Variants in SGCZ observed in about 807,000 individuals in gnomAD.
The protein encoded by SGCZ is zeta-sarcoglycan.
Under a neutral mutation model 41.3 loss-of-function variants are expected in SGCZ, and 40 were observed. The observed-to-expected ratio is 0.97, with a 90% CI of 0.75 to 1.26. SGCZ has a LOEUF of 1.26. Ranked by LOEUF, SGCZ falls within the 50% of genes most tolerant of loss-of-function variation. The probability of loss-of-function intolerance (pLI) is 0.00; values close to 1 mark genes in which losing one functional copy is unlikely to be tolerated. For synonymous variants in SGCZ, 206 were observed against 137.5 expected (o/e 1.50, Z -3.49); for missense variants, 552 against 369.8 (o/e 1.49, Z -4.04).
intron 2 of SGCZ, among the ~76,000 whole-genome samples, chr8:14,428,659 G>T (rs1381387196): frequency 6.6e-6 from 1 of 152,118 alleles, no homozygotes; most frequent in Admixed American, 6.6e-5. Context: ...TTAAAATTCA[G>T]CAGAATCGGT....
Position 14,554,791 on chromosome 8 carries a change from T to C in SGCZ, c.175A>G (p.Thr59Ala). The change falls in exon 2 of 8, where the codon ACC becomes GCC. Residue 59 changes from threonine to alanine, a missense_variant. Physicochemically the swap from Thr to Ala is moderately conservative, Grantham distance 58. Transcript: ENST00000382080. ...LYFFVLLLLV[T>A]MIVNLAMTIW... ...GTCATGGCTAAGTTAACTATCATGG[T>C]AACCAACAGCAGAAGGACAAAGAAG... 1 of 1,613,258 alleles carries C rather than the reference T, an allele frequency of 6.2e-7. No individual in the cohort carries two copies. The highest frequency in any genetic ancestry group is 8.5e-7 in the Non-Finnish European group (1 of 1,179,532).
intron 1 of SGCZ, among the ~76,000 whole-genome samples, chr8:14,741,275 G>T (rs983276347): frequency 1.3e-5 from 2 of 151,874 alleles, no homozygotes; most frequent in African/African-American, 4.8e-5. Context: ...TAACATAATT[G>T]ACATCTACAA....
intron 2 of SGCZ, among the ~76,000 whole-genome samples, chr8:14,526,103 A>C (rs1339913031): frequency 7.9e-5 from 12 of 152,166 alleles, no homozygotes; most frequent in Admixed American, 7.9e-4. Flanking sequence ...AGTGCACAAT[A>C]GAGTAGTTCT....
At chr8:14,697,877 G>C (rs1281758044) in intron 1 of SGCZ, among the ~76,000 whole-genome samples, 1 of 151,742 alleles carries the variant, frequency 6.6e-6, no homozygotes, top group Non-Finnish European at 1.5e-5. Flanking sequence ...GAAATTCTTG[G>C]TTGCTTTCTG....
chr8:14,384,670 C>G (rs1409663542), intron 2 of SGCZ, among the ~76,000 whole-genome samples: 1 of 152,154 alleles, frequency 6.6e-6, no homozygotes, highest in Non-Finnish European at 1.5e-5. Flanking sequence ...AGCAATTGTC[C>G]TGCCTCAGCC....
intron 2 of SGCZ, among the ~76,000 whole-genome samples, chr8:14,525,629 G>A (rs1387503718): frequency 6.6e-6 from 1 of 151,900 alleles, no homozygotes; most frequent in East Asian, 1.9e-4. Flanking sequence ...TCTTGACCTA[G>A]TCACATCAAA....
At chr8:15,086,920 A>G (rs1311979603) in intron 1 of SGCZ, among the ~76,000 whole-genome samples, 2 of 152,148 alleles carry the variant, frequency 1.3e-5, no homozygotes, top group Non-Finnish European at 2.9e-5. Flanking sequence ...TAAAGAAGGC[A>G]TCCTTTTCAT....
chr8:14,542,524 A>G (rs13281019), intron 2 of SGCZ, among the ~76,000 whole-genome samples: 5 of 152,004 alleles, frequency 3.3e-5, no homozygotes, highest in African/African-American at 7.2e-5. Flanking sequence ...CCTTAAAAGC[A>G]TAAAGGAGAT....
chr8:14,784,913 A>AAAAAAAAAAT (rs1408574493), intron 1 of SGCZ, among the ~76,000 whole-genome samples: 31 of 88,008 alleles, frequency 3.5e-4, no homozygotes, highest in African/African-American at 1.4e-3. Flanking sequence ...AAAAAAAAAA[A>AAAAAAAAAAT]ATATATATAT....
intron 2 of SGCZ, among the ~76,000 whole-genome samples, chr8:14,483,015 A>G (rs1326094538): frequency 2.0e-5 from 3 of 151,724 alleles, no homozygotes; most frequent in African/African-American, 2.4e-5. Flanking sequence ...CACATATCCT[A>G]TTGCTTCTGT....
At chr8:14,914,726 C>G (rs1799376354) in intron 1 of SGCZ, among the ~76,000 whole-genome samples, 1 of 152,116 alleles carries the variant, frequency 6.6e-6, no homozygotes, top group South Asian at 2.1e-4. Flanking sequence ...GCAGGCAAAT[C>G]CAGAAGAAAA....
rs139985211 is a variant in SGCZ, at chr8:14,929,283, G to A, written c.39+308302C>T. Among the ~76,000 whole-genome samples the A allele has an allele frequency of 7.2e-3, 1,097 of 152,260 alleles. 10 individuals carry two copies. Among genetic ancestry groups the A allele is most frequent in the Non-Finnish European group, 0.011 (763 of 68,024 alleles). ...TGGGATTACAGGCGTGAACCACTGC[G>A]CCTGGCCAATGACTGCATTTTTAAA... On this transcript the variant is annotated intron_variant, in intron 1 of 7. Transcript: ENST00000382080.
chr8:14,760,630 T>C (rs1009652202), intron 1 of SGCZ, among the ~76,000 whole-genome samples: 2 of 152,170 alleles, frequency 1.3e-5, no homozygotes, highest in Non-Finnish European at 2.9e-5. Context: ...TCATTAAAAA[T>C]TTACCTCTGC....
At chr8:14,354,393 T>C (rs557085306) in intron 2 of SGCZ, among the ~76,000 whole-genome samples, 11 of 151,844 alleles carry the variant, frequency 7.2e-5, no homozygotes, top group Non-Finnish European at 1.6e-4. Context: ...ACTCCTATAA[T>C]GATACCACTT....
intron 3 of SGCZ, among the ~76,000 whole-genome samples, chr8:14,313,699 T>C (rs1457602420): frequency 6.6e-6 from 1 of 152,154 alleles, no homozygotes; most frequent in Non-Finnish European, 1.5e-5. Context: ...AATTTAAAGA[T>C]ATGTAATATT....
At chr8:15,118,401 G>T (rs1007440575) in intron 1 of SGCZ, among the ~76,000 whole-genome samples, 7 of 152,066 alleles carry the variant, frequency 4.6e-5, no homozygotes, top group African/African-American at 1.4e-4. Flanking sequence ...GTAAAAGAAG[G>T]GGGAGGCTTG....
At chr8:15,044,086 T>G (rs553286703) in intron 1 of SGCZ, among the ~76,000 whole-genome samples, 1 of 152,174 alleles carries the variant, frequency 6.6e-6, no homozygotes, top group Admixed American at 6.5e-5. Context: ...TGCATATTAT[T>G]TAGATGTTGA....
chr8:14,402,222 C>A (rs1799097446), intron 2 of SGCZ, among the ~76,000 whole-genome samples: 1 of 151,586 alleles, frequency 6.6e-6, no homozygotes, highest in Non-Finnish European at 1.5e-5. Context: ...CGAAAATTTT[C>A]TCCCATTTTG....
chr8:15,185,006 T>G (rs1001542848), intron 1 of SGCZ, among the ~76,000 whole-genome samples: 6 of 152,190 alleles, frequency 3.9e-5, no homozygotes, highest in Admixed American at 1.3e-4. Flanking sequence ...CAAGGCTCTC[T>G]TCATCTCCCA....
Sources: allele counts gnomAD v4.1 joint callset (sites outside exome capture counted in the v4.1 genomes callset), GRCh38; gene constraint gnomAD v4.1.1; transcripts MANE v1.5; gene names NCBI Gene and HGNC (gene_info 2026-07-23, HGNC 2026-07-21).